Variants in NLGN1 observed in about 807,000 individuals in gnomAD.
NLGN1 encodes neuroligin-1.
Under a neutral mutation model 65.5 loss-of-function variants are expected in NLGN1, and 12 were observed. The ratio of observed to expected loss-of-function variants is 0.18; its 90% CI spans 0.12 to 0.30. The LOEUF (loss-of-function observed/expected upper bound fraction) is 0.30, where lower values mean the gene tolerates loss of function less well. NLGN1 is among the 10% of genes least tolerant of loss of function. The pLI is 1.00. For missense variants in NLGN1, 750 were observed against 1,007.1 expected, an observed-to-expected ratio of 0.74 and a Z score of 3.46; for synonymous variants, 350 against 359.5, an observed-to-expected ratio of 0.97 and a Z score of 0.30.
chr3:173,604,769 C>G (rs1244061893), exon 3 of NLGN1: 6 of 1,613,522 alleles, frequency 3.7e-6, no homozygotes, highest in African/African-American at 1.3e-5. Context: ...TGGTGGCTAC[C>G]AACTTTGGAA....
intron 3 of NLGN1, among the ~76,000 whole-genome samples, chr3:173,664,604 C>G (rs1761442218): frequency 6.6e-6 from 1 of 152,114 alleles, no homozygotes; most frequent in Non-Finnish European, 1.5e-5. Context: ...AGTTTCCATT[C>G]ATTGAACACC....
At chr3:174,253,419 G>A (rs1745123995) in intron 4 of NLGN1, among the ~76,000 whole-genome samples, 1 of 152,064 alleles carries the variant, frequency 6.6e-6, no homozygotes, top group South Asian at 2.1e-4. Context: ...TGCATAGCTT[G>A]TAATATCAGT....
intron 2 of NLGN1, among the ~76,000 whole-genome samples, chr3:173,461,697 A>G (rs1474276401): frequency 6.6e-6 from 1 of 152,156 alleles, no homozygotes; most frequent in African/African-American, 2.4e-5. Context: ...GTTACTCACA[A>G]AAGAAACTAG....
chr3:173,429,580 A>T (rs1395922911), intron 1 of NLGN1, among the ~76,000 whole-genome samples: 1 of 152,000 alleles, frequency 6.6e-6, no homozygotes, highest in Non-Finnish European at 1.5e-5. Flanking sequence ...TTTGCTTTCA[A>T]GGTTTAGTTA....
intron 2 of NLGN1, among the ~76,000 whole-genome samples, chr3:173,553,754 C>T (rs890981105): frequency 2.6e-5 from 4 of 151,956 alleles, no homozygotes; most frequent in Non-Finnish European, 5.9e-5. Flanking sequence ...ATCAGCTACA[C>T]AGCCTGTGCA....
At chr3:173,717,736 A>G (rs1770114041) in intron 3 of NLGN1, among the ~76,000 whole-genome samples, 1 of 152,188 alleles carries the variant, frequency 6.6e-6, no homozygotes, top group Non-Finnish European at 1.5e-5. Flanking sequence ...TCCTGCAAGC[A>G]TCAGGAGCCA....
chr3:173,569,498 G>C (rs569761910), intron 2 of NLGN1, among the ~76,000 whole-genome samples: 2 of 151,494 alleles, frequency 1.3e-5, no homozygotes, highest in Non-Finnish European at 2.9e-5. Flanking sequence ...TCTTAAAACA[G>C]TAGTCCCTCA....
At chr3:174,146,129 CT>C (rs1723206972) in intron 4 of NLGN1, among the ~76,000 whole-genome samples, 2 of 147,036 alleles carry the variant, frequency 1.4e-5, no homozygotes, top group African/African-American at 5.3e-5. Context: ...TCCTTCCTTC[CT>C]TCCTTCCTTC....
intron 4 of NLGN1, among the ~76,000 whole-genome samples, chr3:174,049,222 T>C (rs1017586860): frequency 6.6e-6 from 1 of 152,104 alleles, no homozygotes; most frequent in Non-Finnish European, 1.5e-5. Flanking sequence ...ATAGAGTATG[T>C]GTAACGCAGT....
intron 4 of NLGN1, among the ~76,000 whole-genome samples, chr3:174,146,670 C>T (rs1577088695): frequency 6.6e-6 from 1 of 151,282 alleles, no homozygotes; most frequent in East Asian, 2.0e-4. Flanking sequence ...CGGGTCAAAG[C>T]GATTCTCCTG....
intron 3 of NLGN1, among the ~76,000 whole-genome samples, chr3:173,662,659 G>A (rs1263159637): frequency 2.6e-5 from 4 of 152,056 alleles, no homozygotes; most frequent in African/African-American, 9.6e-5. Context: ...TTAGCCATTA[G>A]CATATGATTT....
chr3:173,896,180 G>A (rs1178649319), intron 4 of NLGN1, among the ~76,000 whole-genome samples: 3 of 152,148 alleles, frequency 2.0e-5, no homozygotes, highest in Non-Finnish European at 4.4e-5. Context: ...CACTAGCTAT[G>A]TGATGATGAT....
At chr3:174,126,732 C>T (rs896666618) in intron 4 of NLGN1, among the ~76,000 whole-genome samples, 8 of 152,092 alleles carry the variant, frequency 5.3e-5, no homozygotes, top group African/African-American at 1.9e-4. Flanking sequence ...TTGAAAATCA[C>T]CAACTACTGG....
chr3:173,463,046 C>T (rs1723669976), intron 2 of NLGN1, among the ~76,000 whole-genome samples: 1 of 152,106 alleles, frequency 6.6e-6, no homozygotes, highest in Non-Finnish European at 1.5e-5. Context: ...GCAGGATCTC[C>T]ACCTTGTCCT....
At chr3:173,628,452 A>C (rs2149529817) in intron 3 of NLGN1, among the ~76,000 whole-genome samples, 1 of 152,198 alleles carries the variant, frequency 6.6e-6, no homozygotes, top group South Asian at 2.1e-4. Flanking sequence ...AAAATAAAGA[A>C]GTCAATGTAA....
At position 173,942,109 on chromosome 3, in the gene NLGN1, G is replaced by GTT. The variant is rs1553896554; in HGVS notation, c.646+134277_646+134278insTT. On this transcript the variant is annotated intron_variant, in intron 4 of 6. Transcript: ENST00000457714. Reference sequence around the variant, plus strand: ...ATGGTCAGGAATATTGGTGGTTGGGGGTGTGTGTGTGTGTGTGTGTGTGTG... The same window carrying GTT: ...ATGGTCAGGAATATTGGTGGTTGGGGTTGTGTGTGTGTGTGTGTGTGTGTGTG... 2.9e-4 allele frequency among the ~76,000 whole-genome samples: 42 copies of GTT among 144,140 alleles called. 1 individual carries two copies. The East Asian group carries it at 8.1e-3, about 28-fold the overall frequency. The allele number at this position is 144,140 out of a possible 152,430, so 94.6% of individuals were successfully genotyped here.
chr3:173,599,588 A>G (rs3861377), intron 2 of NLGN1, among the ~76,000 whole-genome samples: 134,985 of 152,144 alleles, frequency 0.89, 59,930 homozygotes, highest in South Asian at 0.92. Context: ...TTATTAAATT[A>G]CCTTATTTGT....
chr3:174,052,573 A>G (rs1405516273), intron 4 of NLGN1, among the ~76,000 whole-genome samples: 1 of 152,054 alleles, frequency 6.6e-6, no homozygotes, highest in Non-Finnish European at 1.5e-5. Context: ...ATATACAAGT[A>G]TATTTAAATA....
chr3:173,450,333 G>T (rs891307554), intron 2 of NLGN1, among the ~76,000 whole-genome samples: 6 of 152,100 alleles, frequency 3.9e-5, no homozygotes, highest in African/African-American at 1.4e-4. Context: ...GCTTAGTTTG[G>T]CTGGATATGA....
Sources: gnomAD v4.1 joint callset for allele counts (sites outside exome capture counted in the v4.1 genomes callset) on GRCh38, gnomAD v4.1.1 for gene constraint, MANE v1.5 for transcripts, NCBI Gene and HGNC (gene_info 2026-07-23, HGNC 2026-07-21) for gene names.